The following DYM variants were observed in gnomAD, a reference collection of about 807,000 sequenced individuals.
DYM encodes the protein dymeclin.
Under a neutral mutation model 93.1 loss-of-function variants are expected in DYM, and 78 were observed. The ratio of observed to expected loss-of-function variants is 0.84; its 90% CI spans 0.70 to 1.01. The LOEUF is 1.01. Ranked by LOEUF, DYM falls within the 50% of genes least tolerant of loss-of-function variation. The probability of loss-of-function intolerance (pLI) is 0.00; values close to 1 mark genes in which losing one functional copy is unlikely to be tolerated. For missense variants in DYM, 789 were observed against 845.0 expected (o/e 0.93, Z 0.82); for synonymous variants, 321 against 319.7 (o/e 1.00, Z -0.04).
intron 15 of DYM, among the ~76,000 whole-genome samples, chr18:49,147,511 C>A (rs914430222): frequency 7.2e-5 from 11 of 151,878 alleles, no homozygotes; most frequent in Non-Finnish European, 1.5e-4. Context: ...AAAAAAACAT[C>A]CCCATGAAAA....
chr18:49,307,917 G>A (rs2061364387), intron 8 of DYM, among the ~76,000 whole-genome samples: 1 of 152,178 alleles, frequency 6.6e-6, no homozygotes, highest in South Asian at 2.1e-4. Flanking sequence ...ACCAAGTCAG[G>A]AACTGAAATT....
At chr18:49,352,360 C>T (rs1235419019) in intron 6 of DYM, among the ~76,000 whole-genome samples, 1 of 152,020 alleles carries the variant, frequency 6.6e-6, no homozygotes. Context: ...AATTTTGTAG[C>T]ATATGAATGC....
chr18:49,182,021 G>C (rs1040502789), intron 14 of DYM, among the ~76,000 whole-genome samples: 51 of 151,976 alleles, frequency 3.4e-4, no homozygotes, highest in African/African-American at 1.1e-3. Context: ...TTTTCACTTA[G>C]TTTAAAAATC....
intron 10 of DYM, among the ~76,000 whole-genome samples, chr18:49,278,572 A>G (rs2094900904): frequency 6.6e-6 from 1 of 152,026 alleles, no homozygotes; most frequent in Non-Finnish European, 1.5e-5. Context: ...TCCCATAGTC[A>G]TTGGTCAAAT....
At chr18:49,433,265 A>C (rs2080505871) in intron 1 of DYM, among the ~76,000 whole-genome samples, 1 of 152,246 alleles carries the variant, frequency 6.6e-6, no homozygotes, top group African/African-American at 2.4e-5. Flanking sequence ...GGAAGCAATG[A>C]ATAATAGTTA....
At chr18:49,360,135 G>A (rs761654532) in intron 6 of DYM, among the ~76,000 whole-genome samples, 22 of 151,926 alleles carry the variant, frequency 1.4e-4, no homozygotes, top group Admixed American at 5.2e-4. Flanking sequence ...CAACACAATC[G>A]GCTTGCTCCT....
chr18:49,432,111 G>A (rs1054326258), intron 1 of DYM, among the ~76,000 whole-genome samples: 6 of 152,100 alleles, frequency 3.9e-5, no homozygotes, highest in South Asian at 4.1e-4. Flanking sequence ...TGTGGCTCAC[G>A]CCTGTAATCC....
Position 49,364,685 on chromosome 18 carries a change from G to A in DYM, c.422-1452C>T, listed in dbSNP as rs193224976. ...CAAAGTACAGCATGCCAGACTCTTG[G>A]AGATATAGGTCCTGCATCCCTTTCT... On this transcript the variant is annotated intron_variant, in intron 5 of 17. Transcript: ENST00000675505. Among the ~76,000 whole-genome samples, 31 of 152,214 alleles carry A rather than the reference G, an allele frequency of 2.0e-4. No individual in the cohort carries two copies. The East Asian group carries it at 5.6e-3, about 28-fold the overall frequency.
intron 13 of DYM, among the ~76,000 whole-genome samples, chr18:49,240,367 A>G (rs2093982115): frequency 6.6e-6 from 1 of 152,188 alleles, no homozygotes; most frequent in Admixed American, 6.5e-5. Flanking sequence ...CTGAGAAAAT[A>G]TTAAATATTT....
chr18:49,102,421 T>G (rs1273588082), intron 16 of DYM, among the ~76,000 whole-genome samples: 6 of 152,308 alleles, frequency 3.9e-5, no homozygotes, highest in African/African-American at 1.4e-4. Context: ...ATATCTTATT[T>G]CTTTTTTTTA....
At chr18:49,263,724 G>A (rs1376478360) in intron 11 of DYM, among the ~76,000 whole-genome samples, 1 of 151,742 alleles carries the variant, frequency 6.6e-6, no homozygotes. Context: ...GTGAGATTCT[G>A]TCTCAAAAAA....
At chr18:49,091,777 C>T (rs2079071997) in intron 17 of DYM, among the ~76,000 whole-genome samples, 1 of 151,964 alleles carries the variant, frequency 6.6e-6, no homozygotes, top group African/African-American at 2.4e-5. Flanking sequence ...CGCTCTGTCC[C>T]CTAGGCTGGA....
intron 13 of DYM, among the ~76,000 whole-genome samples, chr18:49,237,066 A>G (rs1457770141): frequency 6.6e-6 from 1 of 152,082 alleles, no homozygotes; most frequent in Non-Finnish European, 1.5e-5. Flanking sequence ...CAAATTATCC[A>G]TAAGGGTCTC....
chr18:49,209,445 A>G (rs2092678146), intron 14 of DYM, 106 bp downstream of exon 14: 7 of 772,876 alleles, frequency 9.1e-6, no homozygotes, highest in Non-Finnish European at 1.2e-5. Context: ...TTCAAATATA[A>G]ATGTTCTCTT....
intron 1 of DYM, among the ~76,000 whole-genome samples, chr18:49,444,147 A>G (rs1479193419): frequency 1.3e-5 from 2 of 152,202 alleles, no homozygotes; most frequent in Non-Finnish European, 2.9e-5. Flanking sequence ...CATATTCTCA[A>G]TCAGCAGGTA....
rs536255041 is a variant in DYM at position 49,427,767 on chromosome 18, A to G, written c.140+2488T>C. ...CAAACAAAATGCAGTATATCCATAC[A>G]ATGGAGTATCACTCAGCAATAAAAA... is the stretch of plus-strand genomic sequence containing the variant. On this transcript the variant is annotated intron_variant, in intron 2 of 17. Transcript: ENST00000675505. 2.6e-5 allele frequency among the ~76,000 whole-genome samples: 4 copies of G among 152,324 alleles called. No homozygotes were observed. In the South Asian group the frequency reaches 8.3e-4, roughly 32 times the overall value.
At chr18:49,381,505 T>C (rs946251979) in intron 3 of DYM, among the ~76,000 whole-genome samples, 7 of 152,216 alleles carry the variant, frequency 4.6e-5, no homozygotes, top group African/African-American at 1.7e-4. Flanking sequence ...ACAACAGCAT[T>C]ATCTGAGAGC....
chr18:49,421,647 A>C (rs2073723113), intron 2 of DYM, among the ~76,000 whole-genome samples: 1 of 152,252 alleles, frequency 6.6e-6, no homozygotes, highest in South Asian at 2.1e-4. Context: ...CTGGACGGAG[A>C]ATGACTTTGA....
chr18:49,221,813 G>T (rs566088324), intron 13 of DYM, among the ~76,000 whole-genome samples: 1 of 151,974 alleles, frequency 6.6e-6, no homozygotes, highest in African/African-American at 2.4e-5. Flanking sequence ...GCTAAATGAC[G>T]AGTTAATGGG....
Sources: allele counts gnomAD v4.1 joint callset (sites outside exome capture counted in the v4.1 genomes callset), GRCh38; gene constraint gnomAD v4.1.1; transcripts MANE v1.5; gene names NCBI Gene and HGNC (gene_info 2026-07-23, HGNC 2026-07-21).